ME3: variants seen among roughly 807,000 people sequenced by gnomAD.
ME3 encodes the protein NADP-dependent malic enzyme, mitochondrial.
Under a neutral mutation model 68.9 loss-of-function variants are expected in ME3, and 48 were observed. That is an observed-to-expected ratio of 0.70 (90% CI 0.55 to 0.89). The LOEUF (loss-of-function observed/expected upper bound fraction) is 0.89, where lower values mean the gene tolerates loss of function less well. Among genes scored for constraint, ME3 ranks in the 40% least tolerant of loss-of-function variants. The pLI is 0.00. For missense variants in ME3, 675 were observed against 797.4 expected, an observed-to-expected ratio of 0.85 and a Z score of 1.85; for synonymous variants, 320 against 318.8, an observed-to-expected ratio of 1.00 and a Z score of -0.04.
chr11:86,456,004 A>G (rs114929219), intron 8 of ME3, among the ~76,000 whole-genome samples: 1 of 152,066 alleles, frequency 6.6e-6, no homozygotes, highest in African/African-American at 2.4e-5. Flanking sequence ...GGCACTCCCT[A>G]TTTTCTCTGC....
chr11:86,596,153 T>A (rs1420439636), intron 2 of ME3, among the ~76,000 whole-genome samples: 1 of 152,248 alleles, frequency 6.6e-6, no homozygotes, highest in Non-Finnish European at 1.5e-5. Flanking sequence ...TCAAAACCTA[T>A]GAAATTACAT....
intron 4 of ME3, among the ~76,000 whole-genome samples, chr11:86,545,620 C>T (rs1956315283): frequency 6.6e-6 from 1 of 151,992 alleles, no homozygotes; most frequent in Admixed American, 6.6e-5. Flanking sequence ...ATGTGAAGGA[C>T]CCATTCAAGG....
intron 2 of ME3, among the ~76,000 whole-genome samples, chr11:86,637,906 A>C (rs530848813): frequency 2.0e-5 from 3 of 151,560 alleles, no homozygotes; most frequent in Admixed American, 6.6e-5. Flanking sequence ...GATATGTAGA[A>C]ATAATGTATC....
At chr11:86,573,913 G>T (rs1224567451) in intron 2 of ME3, among the ~76,000 whole-genome samples, 1 of 152,184 alleles carries the variant, frequency 6.6e-6, no homozygotes, top group African/African-American at 2.4e-5. Flanking sequence ...CATTGGTTCT[G>T]TTTATGTGAT....
At chr11:86,656,317 C>T (rs1347936514) in intron 2 of ME3, among the ~76,000 whole-genome samples, 2 of 151,880 alleles carry the variant, frequency 1.3e-5, no homozygotes, top group Non-Finnish European at 2.9e-5. Flanking sequence ...TATTGTGGCA[C>T]TATTCACAAT....
At chr11:86,521,425 A>ATAATAAT (rs1555221553) in intron 4 of ME3, among the ~76,000 whole-genome samples, 3 of 118,306 alleles carry the variant, frequency 2.5e-5, no homozygotes, top group East Asian at 4.1e-4. Context: ...AAACAAAACA[A>ATAATAAT]AACAAAAATA....
At chr11:86,566,088 C>G (rs1957468030) in intron 2 of ME3, among the ~76,000 whole-genome samples, 1 of 152,212 alleles carries the variant, frequency 6.6e-6, no homozygotes, top group South Asian at 2.1e-4. Flanking sequence ...ACACACTCAG[C>G]TTTCTCATGG....
chr11:86,606,989 T>TA (rs1961758285), intron 2 of ME3, among the ~76,000 whole-genome samples: 1 of 152,176 alleles, frequency 6.6e-6, no homozygotes, highest in African/African-American at 2.4e-5. Context: ...CAGGAGGAGA[T>TA]AGAGTTACAT....
Position 86,635,587 on chromosome 11 carries a change from T to C in ME3, c.183+36175A>G, listed in dbSNP as rs148938266. ...CCTCAAGAATAGATTAAAGCCATTA[T>C]CTTGGGTGTGGGTTAGTTATCTCAG... On this transcript the variant is annotated intron_variant, in intron 2 of 14. Coordinates refer to ENST00000543262, the Ensembl canonical transcript of ME3. Among the ~76,000 whole-genome samples, 14 of 152,342 alleles carry C rather than the reference T, an allele frequency of 9.2e-5. 1 individual carries two copies. In the East Asian group the frequency reaches 2.3e-3, roughly 25 times the overall value.
At chr11:86,596,148 A>G (rs56935647) in intron 2 of ME3, among the ~76,000 whole-genome samples, 24,547 of 152,178 alleles carry the variant, frequency 0.16, 2,154 homozygotes, top group Non-Finnish European at 0.2. Context: ...GTATTTCAAA[A>G]CCTATGAAAT....
At chr11:86,448,025 A>C (rs1480681875) in intron 11 of ME3, 125 bp downstream of exon 11, 4 of 655,036 alleles carry the variant, frequency 6.1e-6, no homozygotes, top group Non-Finnish European at 1.1e-5. Context: ...ATTGAATTGC[A>C]CATGGGATAG....
chr11:86,473,781 G>GA (rs1950911398), intron 7 of ME3, among the ~76,000 whole-genome samples: 1 of 152,172 alleles, frequency 6.6e-6, no homozygotes, highest in South Asian at 2.1e-4. Context: ...TACCATGGGT[G>GA]AAAAAACTGG....
At chr11:86,636,096 A>G (rs1400244904) in intron 2 of ME3, among the ~76,000 whole-genome samples, 1 of 152,156 alleles carries the variant, frequency 6.6e-6, no homozygotes, top group African/African-American at 2.4e-5. Flanking sequence ...CCTGGGTGCT[A>G]TGGAAGCCTG....
chr11:86,671,884 C>T lies in ME3; in HGVS notation c.61G>A (p.Ala21Thr), dbSNP rs547735437. 17 of 1,526,258 alleles carry T rather than the reference C, an allele frequency of 1.1e-5. No homozygotes were observed. In the East Asian group the frequency reaches 3.9e-4, roughly 35 times the overall value. The allele number at this position is 1,526,258 out of a possible 1,614,324, so 94.5% of individuals were successfully genotyped here. Reference sequence around the variant, plus strand: ...GCGGTGGGTGTCCAGCGCGGGAGGGCGCCGCAGGCCCGGCCCGGCCAGGGA... The same window carrying T: ...GCGGTGGGTGTCCAGCGCGGGAGGGTGCCGCAGGCCCGGCCCGGCCAGGGA... Residue 21 changes from alanine (A) to threonine (T), a missense_variant, in exon 2 of 15, where the codon GCC (alanine) becomes ACC (threonine). Physicochemically the swap from Ala to Thr is moderately conservative, Grantham distance 58. Transcript: ENST00000543262.
intron 5 of ME3, among the ~76,000 whole-genome samples, chr11:86,505,512 A>C (rs1452416800): frequency 6.6e-6 from 1 of 152,188 alleles, no homozygotes; most frequent in Admixed American, 6.5e-5. Context: ...AGCCAAATCA[A>C]ATATGTTTAG....
intron 2 of ME3, among the ~76,000 whole-genome samples, chr11:86,565,273 A>T (rs1957428108): frequency 6.6e-6 from 1 of 152,242 alleles, no homozygotes; most frequent in African/African-American, 2.4e-5. Flanking sequence ...TGACTGGTAC[A>T]TTGCTGGTGA....
intron 7 of ME3, among the ~76,000 whole-genome samples, chr11:86,467,397 A>G (rs965081317): frequency 1.3e-5 from 2 of 152,090 alleles, no homozygotes; most frequent in African/African-American, 4.8e-5. Context: ...TGTACTATGA[A>G]TAGAAATGAT....
intron 8 of ME3, among the ~76,000 whole-genome samples, chr11:86,458,151 T>C (rs1330396862): frequency 1.3e-5 from 2 of 152,244 alleles, no homozygotes; most frequent in African/African-American, 4.8e-5. Context: ...CTACAGTAGA[T>C]ACTGCCATTC....
chr11:86,467,048 C>A (rs1262165922), intron 7 of ME3, among the ~76,000 whole-genome samples: 1 of 152,074 alleles, frequency 6.6e-6, no homozygotes, highest in Non-Finnish European at 1.5e-5. Flanking sequence ...TTGACAAATA[C>A]AAATTGCATA....
Sources: gnomAD v4.1 joint callset for allele counts (sites outside exome capture counted in the v4.1 genomes callset) on GRCh38, gnomAD v4.1.1 for gene constraint, MANE v1.5 for transcripts, NCBI Gene and HGNC (gene_info 2026-07-23, HGNC 2026-07-21) for gene names.